Variants in TASP1 observed in about 807,000 individuals in gnomAD.
The protein encoded by TASP1 is taspase 1.
In TASP1, 16 loss-of-function variants were observed where a neutral mutation model predicts 56.6. The ratio of observed to expected loss-of-function variants is 0.28; its 90% confidence interval spans 0.19 to 0.43. The LOEUF (loss-of-function observed/expected upper bound fraction) is 0.43. Among genes scored for constraint, TASP1 ranks in the 20% least tolerant of loss-of-function variants. The probability of loss-of-function intolerance (pLI) is 1.00; values close to 1 mark genes in which losing one functional copy is unlikely to be tolerated. For synonymous variants in TASP1, 179 were observed against 184.2 expected, an observed-to-expected ratio of 0.97 and a Z score of 0.23; for missense variants, 393 against 511.6, an observed-to-expected ratio of 0.77 and a Z score of 2.24.
the TASP1 span, among the ~76,000 whole-genome samples, chr20:13,357,560 ATC>A: frequency 1.3e-5 from 2 of 152,352 alleles, no homozygotes; most frequent in East Asian, 3.9e-4. Flanking sequence ...AAAATGGAAG[ATC>A]AATTACTCTG....
intron 6 of TASP1, among the ~76,000 whole-genome samples, chr20:13,573,917 A>G (rs887963369): frequency 2.6e-5 from 4 of 152,168 alleles, no homozygotes; most frequent in Non-Finnish European, 5.9e-5. Context: ...AGCTCCAGCA[A>G]TATCTCTGAG....
chr20:13,308,503 A>G, the TASP1 span, among the ~76,000 whole-genome samples: 1 of 152,162 alleles, frequency 6.6e-6, no homozygotes, highest in Non-Finnish European at 1.5e-5. Flanking sequence ...TCTGCCACAT[A>G]GCTGGATGCA....
In TASP1 at chr20:13,587,368, A is replaced by C; in HGVS notation, c.285T>G (p.Asp95Glu). The C allele has an allele frequency of 6.3e-7, 1 of 1,596,226 alleles. No individual in the cohort carries two copies. The highest frequency in any genetic ancestry group is 2.2e-5 in the East Asian group (1 of 44,582). ...AVTAALVELE[D>E]SPFTNAGMGS... ...CCATTCCTGCATTTGTAAAAGGAGA[A>C]TCCTAAAAGACAAAAACAAAAATTA... is the stretch of plus-strand genomic sequence containing the variant. The change falls in exon 5 of 14, where the codon GAT becomes GAG. Residue 95 changes from aspartate (D) to glutamate (E), a missense_variant and splice_region_variant. By Grantham distance (45) the Asp-to-Glu change is conservative (BLOSUM62 2). Coordinates refer to ENST00000337743, the MANE Select transcript of TASP1 (RefSeq NM_017714.3).
At chr20:13,568,640 T>C (rs893593280) in intron 7 of TASP1, among the ~76,000 whole-genome samples, 3 of 152,166 alleles carry the variant, frequency 2.0e-5, no homozygotes, top group Non-Finnish European at 4.4e-5. Context: ...TATTCCTGTG[T>C]TGGGTATAAG....
At chr20:13,282,266 C>T in the TASP1 span, among the ~76,000 whole-genome samples, 4 of 152,106 alleles carry the variant, frequency 2.6e-5, no homozygotes, top group African/African-American at 4.8e-5. Context: ...TTGTTCAGCC[C>T]GGGTTGAAGG....
intron 11 of TASP1, among the ~76,000 whole-genome samples, chr20:13,481,861 C>T (rs1165129435): frequency 6.6e-6 from 1 of 151,988 alleles, no homozygotes; most frequent in Non-Finnish European, 1.5e-5. Flanking sequence ...TATCTTCTCC[C>T]ATTCTTTGGG....
rs574903728 is a variant in TASP1 at position 13,447,080 on chromosome 20, C to T, written c.986-11926G>A. Among the ~76,000 whole-genome samples, 8 of 152,238 alleles carry T rather than the reference C, an allele frequency of 5.3e-5. No individual in the cohort carries two copies. The South Asian group carries it at 1.7e-3, about 32-fold the overall frequency. The stretch of plus-strand genomic sequence containing the variant: ...AACACAGAGTTGATGAATCAATCAG[C>T]ATACTCATTTATTTGCTACAGATTC... On this transcript the variant is annotated intron_variant, in intron 11 of 13. Transcript: ENST00000337743.
intron 10 of TASP1, among the ~76,000 whole-genome samples, chr20:13,484,518 C>G (rs1243108477): frequency 6.6e-6 from 1 of 152,020 alleles, no homozygotes; most frequent in Non-Finnish European, 1.5e-5. Flanking sequence ...GTGGACCCAC[C>G]TGAGGTCAGG....
chr20:13,623,576 G>C, intron 3 of TASP1, 62 bp from the exon 4 acceptor site: 3 of 1,219,482 alleles, frequency 2.5e-6, no homozygotes, highest in Non-Finnish European at 1.2e-6. Flanking sequence ...CTTTCCAAAA[G>C]CTTAAAGAAG....
intron 7 of TASP1, among the ~76,000 whole-genome samples, chr20:13,566,544 T>A: frequency 1.3e-5 from 2 of 149,868 alleles, no homozygotes; most frequent in Admixed American, 6.7e-5. Context: ...CAGAGAGTTA[T>A]AGTGAGGAAG....
chr20:13,289,364 A>T, the TASP1 span, among the ~76,000 whole-genome samples: 1 of 152,200 alleles, frequency 6.6e-6, no homozygotes, highest in Non-Finnish European at 1.5e-5. Context: ...CCCACCGGTA[A>T]TACCAGAGAG....
intron 8 of TASP1, among the ~76,000 whole-genome samples, chr20:13,551,171 A>C (rs1036641384): frequency 8.5e-5 from 13 of 152,170 alleles, no homozygotes; most frequent in African/African-American, 2.2e-4. Flanking sequence ...GGTTTTGAAC[A>C]CACAACATTG....
the TASP1 span, among the ~76,000 whole-genome samples, chr20:13,333,866 A>C: frequency 2.0e-5 from 3 of 152,238 alleles, no homozygotes; most frequent in Non-Finnish European, 2.9e-5. Context: ...GTCAGGTTAA[A>C]CATCAATTAT....
intron 4 of TASP1, among the ~76,000 whole-genome samples, chr20:13,590,151 G>A (rs1044256647): frequency 3.9e-5 from 6 of 152,162 alleles, no homozygotes; most frequent in African/African-American, 1.4e-4. Context: ...AGAATCGCTT[G>A]AACCCAGGAG....
At position 13,576,338 on chromosome 20, in the gene TASP1, AAAGG is replaced by A. The variant is rs1272136730; in HGVS notation, c.488+4555_488+4558del. Among the ~76,000 whole-genome samples the A allele has an allele frequency of 9.0e-4, 114 of 126,586 alleles. 1 individual carries two copies. The highest frequency in any genetic ancestry group is 4.3e-3 in the Admixed American group (51 of 11,840). 83.0% of individuals were successfully genotyped at this position (126,586 alleles called of 152,430 possible). ...AGAAAGAAAGAAAAGAGAAAGAAAG[AAAGG>A]AAGAAAGAAAGAAAGAAAGAAAGAA... On this transcript the variant is annotated intron_variant, in intron 6 of 13. Coordinates refer to ENST00000337743, the MANE Select transcript of TASP1 (RefSeq NM_017714.3).
chr20:13,283,703 G>A, the TASP1 span, among the ~76,000 whole-genome samples: 1 of 152,154 alleles, frequency 6.6e-6, no homozygotes, highest in Non-Finnish European at 1.5e-5. Context: ...AAATAAATAT[G>A]TTTTGGTCTA....
At chr20:13,318,119 TTC>T in the TASP1 span, among the ~76,000 whole-genome samples, 2 of 80,766 alleles carry the variant, frequency 2.5e-5, no homozygotes, top group African/African-American at 9.9e-5. Context: ...CTTTAAATGT[TTC>T]TGAGGACACT....
At chr20:13,425,512 A>G (rs958755259) in intron 12 of TASP1, among the ~76,000 whole-genome samples, 5 of 152,010 alleles carry the variant, frequency 3.3e-5, no homozygotes, top group Admixed American at 6.6e-5. Context: ...TGGCTCCCAC[A>G]CCCACTTAAA....
At chr20:13,229,591 T>C in the TASP1 span, among the ~76,000 whole-genome samples, 8 of 152,350 alleles carry the variant, frequency 5.3e-5, no homozygotes, top group Admixed American at 3.3e-4. Context: ...TTTGTTTCCA[T>C]TGCTTTGCAT....
Sources: gnomAD v4.1 joint callset for allele counts (sites outside exome capture counted in the v4.1 genomes callset) on GRCh38, gnomAD v4.1.1 for gene constraint, MANE v1.5 for transcripts, NCBI Gene and HGNC (gene_info 2026-07-23, HGNC 2026-07-21) for gene names.